TMEM247: variants seen among roughly 807,000 people sequenced by gnomAD.
The protein encoded by TMEM247 is transmembrane protein 247.
A neutral mutation model predicts 20.7 loss-of-function variants in TMEM247; 23 were observed. The observed-to-expected ratio is 1.11, with a 90% CI of 0.80 to 1.57. The LOEUF (loss-of-function observed/expected upper bound fraction) is 1.57. Ranked by LOEUF, TMEM247 falls within the 40% of genes most tolerant of loss-of-function variation. TMEM247 has a pLI of 0.00. For missense variants in TMEM247, 354 were observed against 283.8 expected (o/e 1.25, Z -1.78); for synonymous variants, 106 against 111.9 (o/e 0.95, Z 0.33).
At chr2:46,480,313 T>C in intron 1 of TMEM247, 92 bp from the exon 2 acceptor site, 1 of 1,343,992 alleles carries the variant, frequency 7.4e-7, no homozygotes, top group Non-Finnish European at 9.9e-7. Flanking sequence ...CCCAGTCCAC[T>C]GCGGCCTGGG....
chr2:46,480,815 T>A (rs1458087765), intron 2 of TMEM247, 51 bp downstream of exon 2: 32 of 1,499,870 alleles, frequency 2.1e-5, no homozygotes, highest in Non-Finnish European at 2.8e-5. Flanking sequence ...GGAGCTGAAG[T>A]CCCATGGGGC....
intron 2 of TMEM247, among the ~76,000 whole-genome samples, chr2:46,483,173 T>C (rs1204621554): frequency 6.6e-6 from 1 of 152,366 alleles, no homozygotes; most frequent in East Asian, 1.9e-4. Flanking sequence ...GCATGGGTTA[T>C]GCCCTCTTAA....
At position 46,484,130 on chromosome 2, in the gene TMEM247, G is replaced by A; in HGVS notation, c.478-114G>A. The stretch of plus-strand genomic sequence containing the variant: ...AATGGGCACTATTACCCTTTCTTTA[G>A]GTGAAGATGATGACTTGAGGTCACA... On this transcript the variant is annotated intron_variant, in intron 2 of 2. Coordinates refer to ENST00000434431, the Ensembl canonical transcript of TMEM247. 3 of 935,812 alleles carry A rather than the reference G, an allele frequency of 3.2e-6. No individual in the cohort carries two copies. The South Asian group carries it at 5.4e-5, about 17-fold the overall frequency. 58.0% of individuals were successfully genotyped at this position (935,812 alleles called of 1,614,324 possible).
At chr2:46,480,882 G>A in intron 2 of TMEM247, 118 bp downstream of exon 2, 1 of 1,344,064 alleles carries the variant, frequency 7.4e-7, no homozygotes, top group Non-Finnish European at 9.9e-7. Context: ...GCAGATCCTG[G>A]ATCTCGGCTG....
chr2:46,480,475 G>A, exon 2 of TMEM247: 2 of 1,551,630 alleles, frequency 1.3e-6, no homozygotes, highest in Admixed American at 2.0e-5. Context: ...GAGGACGGAG[G>A]CTGCCAAGGG....
intron 2 of TMEM247, among the ~76,000 whole-genome samples, chr2:46,483,529 G>C (rs1224152336): frequency 1.3e-5 from 2 of 152,218 alleles, no homozygotes; most frequent in Non-Finnish European, 2.9e-5. Flanking sequence ...AAACTAGGTT[G>C]AATGTCAGGG....
rs1686853687 is a variant in TMEM247 at position 46,480,304 on chromosome 2, C to T, written c.118-101C>T. The T allele has an allele frequency of 1.0e-5, 13 of 1,289,850 alleles. No individual in the cohort carries two copies. The South Asian group carries it at 1.9e-4, about 18-fold the overall frequency. The allele number at this position is 1,289,850 out of a possible 1,614,324, so 79.9% of individuals were successfully genotyped here. A position where few individuals can be genotyped will look rare whatever the true frequency, so the allele number is the denominator to read the frequency against. ...CCTAGATCTTTACAATTCAAACACCCCAGTCCACTGCGGCCTGGGGCTGCG... is the reference window on the plus strand; with the variant it reads ...CCTAGATCTTTACAATTCAAACACCTCAGTCCACTGCGGCCTGGGGCTGCG... On this transcript the variant is annotated intron_variant, in intron 1 of 2. Coordinates refer to ENST00000434431, the Ensembl canonical transcript of TMEM247.
chr2:46,479,711 G>A lies in TMEM247; in HGVS notation c.117+9G>A. On this transcript the variant is annotated intron_variant, in intron 1 of 2. Coordinates refer to ENST00000434431, the Ensembl canonical transcript of TMEM247. Reference sequence around the variant, plus strand: ...AGCCAAGGGCTTATCTGGTAAGGGGGCTGCTGTGTCTCACCACCCCCGCCT... The same window carrying A: ...AGCCAAGGGCTTATCTGGTAAGGGGACTGCTGTGTCTCACCACCCCCGCCT... 1.9e-6 allele frequency: 3 copies of A among 1,538,586 alleles called. No individual in the cohort carries two copies. The highest frequency in any genetic ancestry group is 2.0e-5 in the Admixed American group (1 of 50,970).
intron 2 of TMEM247, among the ~76,000 whole-genome samples, chr2:46,482,571 T>C (rs1304319101): frequency 1.3e-5 from 2 of 152,226 alleles, no homozygotes; most frequent in African/African-American, 2.4e-5. Flanking sequence ...AATTAGAACA[T>C]TGAAAGTATT....
Sources: gnomAD v4.1 joint callset for allele counts (sites outside exome capture counted in the v4.1 genomes callset) on GRCh38, gnomAD v4.1.1 for gene constraint, MANE v1.5 for transcripts, NCBI Gene and HGNC (gene_info 2026-07-23, HGNC 2026-07-21) for gene names.